Variants in KHDRBS2 observed in about 807,000 individuals in gnomAD.
KHDRBS2 encodes KH domain-containing, RNA-binding, signal transduction-associated protein 2.
In KHDRBS2, 26 loss-of-function variants were observed where a neutral mutation model predicts 44.3. The ratio of observed to expected loss-of-function variants is 0.59; its 90% CI spans 0.43 to 0.81. The LOEUF is 0.81. Among genes scored for constraint, KHDRBS2 ranks in the 40% least tolerant of loss-of-function variants. The pLI, the probability that KHDRBS2 is intolerant of heterozygous loss-of-function variation, is 0.00. For missense variants in KHDRBS2, 476 were observed against 433.1 expected (o/e 1.10, Z -0.88); for synonymous variants, 194 against 151.1 (o/e 1.28, Z -2.08).
At chr6:61,671,749 T>G in the KHDRBS2 span, among the ~76,000 whole-genome samples, 804 of 151,904 alleles carry the variant, frequency 5.3e-3, 5 homozygotes, top group South Asian at 0.01. Context: ...TATTTAACAC[T>G]GAATGGTATC....
the KHDRBS2 span, among the ~76,000 whole-genome samples, chr6:61,670,684 G>A: frequency 6.6e-6 from 1 of 150,826 alleles, no homozygotes; most frequent in Non-Finnish European, 1.5e-5. Flanking sequence ...TTTATACTTT[G>A]AAAAAATTAC....
chr6:62,263,928 G>A (rs1175315651), intron 1 of KHDRBS2, among the ~76,000 whole-genome samples: 1 of 151,758 alleles, frequency 6.6e-6, no homozygotes, highest in Non-Finnish European at 1.5e-5. Context: ...TGAAAGCCAT[G>A]GGACATCATT....
chr6:62,110,704 G>C (rs1445858304), intron 2 of KHDRBS2, among the ~76,000 whole-genome samples: 1 of 152,028 alleles, frequency 6.6e-6, no homozygotes, highest in Non-Finnish European at 1.5e-5. Flanking sequence ...GTGTCCTGGG[G>C]ACTAGGTCAG....
At chr6:62,277,005 T>C (rs1336979769) in intron 1 of KHDRBS2, among the ~76,000 whole-genome samples, 1 of 152,296 alleles carries the variant, frequency 6.6e-6, no homozygotes, top group East Asian at 1.9e-4. Context: ...AGATTACTTG[T>C]GGTAATGCAT....
chr6:62,146,261 A>G (rs145900300), intron 2 of KHDRBS2, among the ~76,000 whole-genome samples: 95 of 151,928 alleles, frequency 6.3e-4, no homozygotes, highest in African/African-American at 2.2e-3. Context: ...AATCTGCTAT[A>G]GCTTTTAAAC....
chr6:61,837,725 C>T (rs1162190159), intron 6 of KHDRBS2, among the ~76,000 whole-genome samples: 1 of 152,008 alleles, frequency 6.6e-6, no homozygotes, highest in Non-Finnish European at 1.5e-5. Context: ...CAGCAGACTA[C>T]TGCCTTATGT....
intron 6 of KHDRBS2, among the ~76,000 whole-genome samples, chr6:61,874,579 C>T (rs1289477819): frequency 6.6e-6 from 1 of 151,950 alleles, no homozygotes; most frequent in East Asian, 1.9e-4. Context: ...CAATGTTGAC[C>T]CTGGTAGAGA....
chr6:61,948,167 A>G (rs1198284680), intron 4 of KHDRBS2, among the ~76,000 whole-genome samples: 1 of 152,054 alleles, frequency 6.6e-6, no homozygotes, highest in African/African-American at 2.4e-5. Flanking sequence ...AAATGACAAT[A>G]AGAAATAGAA....
chr6:62,199,019 G>A (rs921393210), intron 1 of KHDRBS2, among the ~76,000 whole-genome samples: 7 of 151,920 alleles, frequency 4.6e-5, no homozygotes, highest in East Asian at 1.9e-4. Flanking sequence ...CAGAAAAGGC[G>A]TTAGACAAAA....
At chr6:61,964,277 T>TA (rs561254387) in intron 4 of KHDRBS2, among the ~76,000 whole-genome samples, 141 of 152,178 alleles carry the variant, frequency 9.3e-4, no homozygotes, top group African/African-American at 3.1e-3. Flanking sequence ...AAAATTCAGT[T>TA]AAACATTTTT....
intron 6 of KHDRBS2, among the ~76,000 whole-genome samples, chr6:61,745,842 A>T (rs1027819212): frequency 6.6e-6 from 1 of 152,034 alleles, no homozygotes; most frequent in Admixed American, 6.6e-5. Flanking sequence ...AAATAAAATA[A>T]AATATTTTAT....
chr6:61,869,038 G>A (rs1362613618), intron 6 of KHDRBS2, among the ~76,000 whole-genome samples: 4 of 152,116 alleles, frequency 2.6e-5, no homozygotes, highest in African/African-American at 4.8e-5. Flanking sequence ...TGGTTTCCCC[G>A]GGGGAGTTGC....
chr6:61,591,327 T>A, the KHDRBS2 span, among the ~76,000 whole-genome samples: 1 of 152,070 alleles, frequency 6.6e-6, no homozygotes, highest in Admixed American at 6.6e-5. Context: ...AATGAATAAA[T>A]CCATAAGTAT....
At chr6:61,858,866 C>T (rs1001616109) in intron 6 of KHDRBS2, among the ~76,000 whole-genome samples, 17 of 151,780 alleles carry the variant, frequency 1.1e-4, no homozygotes, top group African/African-American at 3.9e-4. Flanking sequence ...GAAACCTATT[C>T]AAGTAATATA....
At position 62,134,734 on chromosome 6, in the gene KHDRBS2, C is replaced by G. The variant is rs185750448; in HGVS notation, c.219+42451G>C. ...AACCCACCTCTTGCATCAGCATGAC[C>G]TGGATGTGAGACATGTAGTCAAAGG... On this transcript the variant is annotated intron_variant, in intron 2 of 8. Transcript: ENST00000281156. Among the ~76,000 whole-genome samples, 868 of 152,292 alleles carry G rather than the reference C, an allele frequency of 5.7e-3. 4 individuals are homozygous for G. Among genetic ancestry groups the G allele is most frequent in the Non-Finnish European group, 8.3e-3 (567 of 68,034 alleles).
In KHDRBS2 at chr6:62,286,080, A is replaced by G. The variant is rs540289577; in HGVS notation, c.-132T>C. 6.0e-6 allele frequency: 4 copies of G among 668,200 alleles called. No homozygotes were observed. In the East Asian group the frequency reaches 1.1e-4, roughly 19 times the overall value. The allele number at this position is 668,200 out of a possible 1,614,324, so 41.4% of individuals were successfully genotyped here. ...CGGCGAGGGATCTCTGTGCGTCCTC[A>G]CTGGCCCATGCACCCAGCACCTGCG... On this transcript the variant is annotated 5_prime_UTR_variant, in exon 1 of 9. The change abolishes the stop of an existing upstream ORF in the 5' untranslated region. Transcript: ENST00000281156.
At chr6:61,752,831 T>C (rs1285308810) in intron 6 of KHDRBS2, among the ~76,000 whole-genome samples, 1 of 151,964 alleles carries the variant, frequency 6.6e-6, no homozygotes, top group Non-Finnish European at 1.5e-5. Context: ...TGAAGCGAAT[T>C]ATTTGAGGTG....
chr6:62,265,770 CATG>C (rs1839107963), intron 1 of KHDRBS2, among the ~76,000 whole-genome samples: 1 of 152,002 alleles, frequency 6.6e-6, no homozygotes, highest in Admixed American at 6.6e-5. Context: ...AAAGGCAGAA[CATG>C]GCAATGGGCC....
At chr6:62,113,086 G>T (rs1028073127) in intron 2 of KHDRBS2, among the ~76,000 whole-genome samples, 1 of 152,024 alleles carries the variant, frequency 6.6e-6, no homozygotes, top group Admixed American at 6.6e-5. Context: ...CCCAGTGAAT[G>T]GATTGCCTCA....
Sources: allele counts gnomAD v4.1 joint callset (sites outside exome capture counted in the v4.1 genomes callset), GRCh38; gene constraint gnomAD v4.1.1; transcripts MANE v1.5; gene names NCBI Gene and HGNC (gene_info 2026-07-23, HGNC 2026-07-21).